The following AP3S1 variants were observed in gnomAD, a reference collection of about 807,000 sequenced individuals.
The protein encoded by AP3S1 is adaptor related protein complex 3 subunit sigma 1, also known as AP-3 complex subunit sigma-1.
In AP3S1, 12 loss-of-function variants were observed where a neutral mutation model predicts 21.3. The observed-to-expected ratio is 0.56, with a 90% CI of 0.36 to 0.91. AP3S1 has a LOEUF of 0.91. AP3S1 is among the 40% of genes least tolerant of loss of function. The pLI is 0.01. For missense variants in AP3S1, 116 were observed against 225.0 expected (o/e 0.52, Z 3.10); for synonymous variants, 48 against 78.4 (o/e 0.61, Z 2.05).
chr5:115,897,956 G>T (rs1487600770), intron 4 of AP3S1, among the ~76,000 whole-genome samples: 2 of 152,158 alleles, frequency 1.3e-5, no homozygotes, highest in Non-Finnish European at 2.9e-5. Flanking sequence ...AAAAGAGAAA[G>T]TTGTAGAGAA....
chr5:115,878,268 C>T (rs1748911195), intron 3 of AP3S1, among the ~76,000 whole-genome samples: 2 of 152,166 alleles, frequency 1.3e-5, no homozygotes, highest in Non-Finnish European at 2.9e-5. Context: ...GTCATGTAGT[C>T]TTTGCCCATG....
intron 3 of AP3S1, among the ~76,000 whole-genome samples, chr5:115,891,987 C>CA (rs35936000): frequency 0.011 from 1,721 of 152,132 alleles, 14 homozygotes; most frequent in Non-Finnish European, 0.017. Context: ...ATAATTTAAC[C>CA]AAAAAATGGG....
intron 1 of AP3S1, among the ~76,000 whole-genome samples, chr5:115,846,424 A>G (rs1302911541): frequency 6.6e-6 from 1 of 152,244 alleles, no homozygotes; most frequent in Non-Finnish European, 1.5e-5. Flanking sequence ...CACCACACAC[A>G]TATTAAGTGC....
chr5:115,845,961 T>C (rs1197655854), intron 1 of AP3S1, among the ~76,000 whole-genome samples: 1 of 151,470 alleles, frequency 6.6e-6, no homozygotes, highest in Non-Finnish European at 1.5e-5. Context: ...ATGTTTTGCT[T>C]GGTTTGTCTT....
At chr5:115,860,428 G>A (rs1311473513) in intron 1 of AP3S1, among the ~76,000 whole-genome samples, 1 of 152,136 alleles carries the variant, frequency 6.6e-6, no homozygotes, top group South Asian at 2.1e-4. Flanking sequence ...CTTGCTCTCC[G>A]AAGACCCTCC....
intron 4 of AP3S1, among the ~76,000 whole-genome samples, chr5:115,897,861 C>T (rs1750889861): frequency 6.6e-6 from 1 of 152,096 alleles, no homozygotes; most frequent in Non-Finnish European, 1.5e-5. Context: ...CACGCCCGGC[C>T]ACAGCTCACA....
chr5:115,909,668 C>A (rs1345106845), intron 5 of AP3S1, among the ~76,000 whole-genome samples: 1 of 152,060 alleles, frequency 6.6e-6, no homozygotes, highest in Non-Finnish European at 1.5e-5. Flanking sequence ...GAATTTCATT[C>A]TTTTTATTTC....
At chr5:115,892,825 T>A (rs545306326) in intron 3 of AP3S1, among the ~76,000 whole-genome samples, 1 of 152,312 alleles carries the variant, frequency 6.6e-6, no homozygotes, top group Admixed American at 6.5e-5. Flanking sequence ...AATTGGATTG[T>A]TTGTAACACA....
chr5:115,842,698 C>T (rs26538), intron 1 of AP3S1: 67,445 of 152,216 alleles, frequency 0.44, 15,596 homozygotes, highest in African/African-American at 0.57. Flanking sequence ...CTCTCTTCTG[C>T]ATGTTTCGAT....
intron 1 of AP3S1, among the ~76,000 whole-genome samples, chr5:115,859,444 C>A (rs1413791464): frequency 6.6e-6 from 1 of 152,162 alleles, no homozygotes; most frequent in Non-Finnish European, 1.5e-5. Flanking sequence ...ACCTGATCAT[C>A]TGGGAGGAAA....
At chr5:115,890,062 C>T (rs1000932819) in intron 3 of AP3S1, among the ~76,000 whole-genome samples, 2 of 151,824 alleles carry the variant, frequency 1.3e-5, no homozygotes, top group African/African-American at 2.4e-5. Flanking sequence ...AGTCTAAGTG[C>T]GTATAATCGT....
At chr5:115,871,013 TA>T (rs1377271868) in intron 3 of AP3S1, among the ~76,000 whole-genome samples, 1 of 152,184 alleles carries the variant, frequency 6.6e-6, no homozygotes, top group East Asian at 1.9e-4. Context: ...CACAGTGGAT[TA>T]AATGACAGAT....
intron 2 of AP3S1, 49 bp downstream of exon 2, chr5:115,866,810 A>C (rs779957874): frequency 7.8e-7 from 1 of 1,285,934 alleles, no homozygotes; most frequent in South Asian, 1.4e-5. Flanking sequence ...TATGTGATTA[A>C]AATATATACT....
chr5:115,856,584 C>T (rs1392571543), intron 1 of AP3S1, among the ~76,000 whole-genome samples: 4 of 152,204 alleles, frequency 2.6e-5, no homozygotes, highest in East Asian at 1.9e-4. Context: ...TTTGGCTCAG[C>T]CTCCTTGGTA....
Position 115,855,472 on chromosome 5 carries a change from T to G in AP3S1, c.70-11198T>G, listed in dbSNP as rs150652446. ...CTCTAACCTCAGCCTCCTGAGTAACTGGGACTACAGGCATGCATCACCATG... is the reference window on the plus strand; with the variant it reads ...CTCTAACCTCAGCCTCCTGAGTAACGGGGACTACAGGCATGCATCACCATG... On this transcript the variant is annotated intron_variant, in intron 1 of 5. Coordinates refer to ENST00000316788, the MANE Select transcript of AP3S1 (RefSeq NM_001284.4). Among the ~76,000 whole-genome samples the G allele has an allele frequency of 3.5e-3, 540 of 152,130 alleles. 24 individuals are homozygous for G. The East Asian group carries it at 0.093, about 26-fold the overall frequency.
intron 1 of AP3S1, among the ~76,000 whole-genome samples, chr5:115,860,209 G>T (rs1426532285): frequency 6.6e-6 from 1 of 152,154 alleles, no homozygotes; most frequent in Non-Finnish European, 1.5e-5. Flanking sequence ...ATCTCCCTCT[G>T]ACCACAGCCC....
chr5:115,897,492 T>C (rs569339730), intron 4 of AP3S1, among the ~76,000 whole-genome samples: 1 of 152,324 alleles, frequency 6.6e-6, no homozygotes, highest in South Asian at 2.1e-4. Context: ...AGATATATTT[T>C]TTTAAATTTC....
In AP3S1 at chr5:115,903,003, A is replaced by G. The variant is rs1407156943; in HGVS notation, c.453+11A>G. The stretch of plus-strand genomic sequence containing the variant: ...CTGGAAAAATCTGAGGTAAGAATGG[A>G]AAATGCTGTAGTTAAGAAGGTTCTA... On this transcript the variant is annotated intron_variant, in intron 5 of 5. Transcript: ENST00000316788. 14 of 388,344 alleles carry G rather than the reference A, an allele frequency of 3.6e-5. No individual in the cohort carries two copies. Among genetic ancestry groups the G allele is most frequent in the Non-Finnish European group, 5.4e-5 (13 of 240,264 alleles). The allele number at this position is 388,344 out of a possible 1,614,324, so 24.1% of individuals were successfully genotyped here.
intron 1 of AP3S1, among the ~76,000 whole-genome samples, chr5:115,864,253 A>G (rs147496551): frequency 2.6e-5 from 4 of 152,338 alleles, no homozygotes; most frequent in East Asian, 3.9e-4. Flanking sequence ...GATTGAGTCC[A>G]TAGATACTTT....
Sources: allele counts gnomAD v4.1 joint callset (sites outside exome capture counted in the v4.1 genomes callset), GRCh38; gene constraint gnomAD v4.1.1; transcripts MANE v1.5; gene names NCBI Gene and HGNC (gene_info 2026-07-23, HGNC 2026-07-21).